PDE7B: variants seen among roughly 807,000 people sequenced by gnomAD.
The protein encoded by PDE7B is 3',5'-cyclic-AMP phosphodiesterase 7B.
A neutral mutation model predicts 56.2 loss-of-function variants in PDE7B; 29 were observed. The observed-to-expected ratio is 0.52, with a 90% CI of 0.38 to 0.70. The LOEUF is 0.70. Ranked by LOEUF, PDE7B falls within the 30% of genes least tolerant of loss-of-function variation. The pLI is 0.00. For synonymous variants in PDE7B, 197 were observed against 196.9 expected, an observed-to-expected ratio of 1.00 and a Z score of 0.00; for missense variants, 490 against 565.0, an observed-to-expected ratio of 0.87 and a Z score of 1.35.
At chr6:136,121,899 G>A (rs907928820) in intron 3 of PDE7B, among the ~76,000 whole-genome samples, 1 of 152,220 alleles carries the variant, frequency 6.6e-6, no homozygotes, top group Admixed American at 6.5e-5. Flanking sequence ...TAGTTGGAGG[G>A]ACGGTAATCA....
At chr6:136,042,797 G>C (rs1023647863) in intron 2 of PDE7B, among the ~76,000 whole-genome samples, 1 of 152,114 alleles carries the variant, frequency 6.6e-6, no homozygotes, top group African/African-American at 2.4e-5. Flanking sequence ...TGAACATTTC[G>C]ATCATTATAA....
At chr6:136,172,509 A>C (rs1778905522) in intron 8 of PDE7B, among the ~76,000 whole-genome samples, 1 of 151,864 alleles carries the variant, frequency 6.6e-6, no homozygotes. Flanking sequence ...AATTTGTTTG[A>C]GTTCATTGTA....
intron 1 of PDE7B, among the ~76,000 whole-genome samples, chr6:135,902,912 C>T (rs1237704444): frequency 6.6e-6 from 1 of 152,144 alleles, no homozygotes; most frequent in Non-Finnish European, 1.5e-5. Flanking sequence ...TCTCCTCATT[C>T]TACTGATTAG....
At chr6:136,171,428 C>T (rs910368014) in intron 8 of PDE7B, among the ~76,000 whole-genome samples, 6 of 152,132 alleles carry the variant, frequency 3.9e-5, no homozygotes, top group Non-Finnish European at 7.4e-5. Flanking sequence ...ACCATAATGA[C>T]TGCGACTCAG....
Position 135,981,211 on chromosome 6 carries a change from A to C in PDE7B, c.82+33687A>C, listed in dbSNP as rs570248457. On this transcript the variant is annotated intron_variant, in intron 2 of 12. Transcript: ENST00000308191. ...AAAAAACCAAACACCGAATATTCTC[A>C]CTCATAGGTGGGAATTGAACAATGA... Among the ~76,000 whole-genome samples the C allele has an allele frequency of 1.8e-4, 27 of 148,434 alleles. 1 individual carries two copies. The South Asian group carries it at 5.6e-3, about 31-fold the overall frequency.
intron 2 of PDE7B, among the ~76,000 whole-genome samples, chr6:135,998,823 T>G (rs758141740): frequency 6.6e-6 from 1 of 150,778 alleles, no homozygotes; most frequent in Non-Finnish European, 1.5e-5. Flanking sequence ...GACATTACAA[T>G]TTTCACTCTT....
intron 2 of PDE7B, among the ~76,000 whole-genome samples, chr6:135,957,791 G>T (rs144308941): frequency 6.6e-6 from 1 of 152,032 alleles, no homozygotes; most frequent in Non-Finnish European, 1.5e-5. Flanking sequence ...ACTCTAGAAG[G>T]TTATTTTTTG....
intron 2 of PDE7B, among the ~76,000 whole-genome samples, chr6:135,998,215 T>C (rs982919082): frequency 6.6e-6 from 1 of 152,214 alleles, no homozygotes; most frequent in Admixed American, 6.5e-5. Context: ...CTTATTTACA[T>C]AGTGAAAATA....
At chr6:136,172,810 T>C (rs1032654364) in intron 8 of PDE7B, among the ~76,000 whole-genome samples, 2 of 152,200 alleles carry the variant, frequency 1.3e-5, no homozygotes, top group African/African-American at 4.8e-5. Flanking sequence ...TTAATTTTTG[T>C]ATAAGGTGTA....
chr6:136,044,738 T>C (rs988835317), intron 2 of PDE7B: 9 of 152,142 alleles, frequency 5.9e-5, no homozygotes, highest in African/African-American at 2.2e-4. Context: ...TTACATAAAC[T>C]AAAATTTCAA....
At chr6:136,118,113 G>A (rs1444686569) in intron 3 of PDE7B, among the ~76,000 whole-genome samples, 2 of 152,144 alleles carry the variant, frequency 1.3e-5, no homozygotes, top group South Asian at 4.1e-4. Context: ...AATAAATACA[G>A]TTGAGTTTTG....
chr6:135,934,368 CA>C (rs1167437185), intron 1 of PDE7B, among the ~76,000 whole-genome samples: 1 of 152,054 alleles, frequency 6.6e-6, no homozygotes, highest in Non-Finnish European at 1.5e-5. Flanking sequence ...AGATTTAAAA[CA>C]AATTTTATTT....
intron 2 of PDE7B, among the ~76,000 whole-genome samples, chr6:135,977,611 T>C (rs1053856792): frequency 1.3e-5 from 2 of 152,098 alleles, no homozygotes; most frequent in African/African-American, 2.4e-5. Context: ...CTCACTTTCA[T>C]TGGGCCAAGG....
At chr6:136,172,465 G>T (rs57072375) in intron 8 of PDE7B, among the ~76,000 whole-genome samples, 3 of 151,946 alleles carry the variant, frequency 2.0e-5, no homozygotes, top group African/African-American at 7.3e-5. Context: ...CATGTCCTTC[G>T]CCCACTTTTT....
intron 2 of PDE7B, among the ~76,000 whole-genome samples, chr6:136,068,844 C>T (rs1458101519): frequency 6.6e-6 from 1 of 152,168 alleles, no homozygotes; most frequent in African/African-American, 2.4e-5. Flanking sequence ...AGTTGATTCT[C>T]TCCTGGATCA....
intron 2 of PDE7B, among the ~76,000 whole-genome samples, chr6:136,105,737 G>C (rs187623101): frequency 6.6e-6 from 1 of 152,070 alleles, no homozygotes; most frequent in African/African-American, 2.4e-5. Context: ...CAAAATGTTC[G>C]TCCTGTCAGT....
At chr6:136,117,219 T>C (rs982022343) in intron 3 of PDE7B, 1 of 152,220 alleles carries the variant, frequency 6.6e-6, no homozygotes, top group African/African-American at 2.4e-5. Flanking sequence ...ATTAAGTTTT[T>C]TTTACTGAAG....
chr6:136,072,001 A>T (rs1392899407), intron 2 of PDE7B, among the ~76,000 whole-genome samples: 4 of 152,320 alleles, frequency 2.6e-5, no homozygotes, highest in African/African-American at 9.6e-5. Flanking sequence ...AAATGAGGTG[A>T]CCCTACAACA....
chr6:135,947,240 T>A (rs1171706445), intron 1 of PDE7B, among the ~76,000 whole-genome samples: 4 of 152,096 alleles, frequency 2.6e-5, no homozygotes, highest in Non-Finnish European at 4.4e-5. Context: ...TAGAATCTGC[T>A]CTATGCAGGG....
Sources: allele counts gnomAD v4.1 joint callset (sites outside exome capture counted in the v4.1 genomes callset), GRCh38; gene constraint gnomAD v4.1.1; transcripts MANE v1.5; gene names NCBI Gene and HGNC (gene_info 2026-07-23, HGNC 2026-07-21).